The following ENAH variants were observed in gnomAD, a reference collection of about 807,000 sequenced individuals.
The protein encoded by ENAH is ENAH actin regulator, also known as protein enabled homolog.
ENAH carries 23 observed loss-of-function variants against 78.7 expected under a neutral mutation model. The ratio of observed to expected loss-of-function variants is 0.29; its 90% CI spans 0.21 to 0.41. The LOEUF is 0.41. ENAH is among the 10% of genes least tolerant of loss of function. The pLI, the probability that ENAH is intolerant of heterozygous loss-of-function variation, is 1.00. For missense variants in ENAH, 544 were observed against 691.0 expected (o/e 0.79, Z 2.39); for synonymous variants, 226 against 241.0 (o/e 0.94, Z 0.58).
chr1:225,537,626 A>G (rs879717504), intron 3 of ENAH, among the ~76,000 whole-genome samples: 2 of 152,108 alleles, frequency 1.3e-5, no homozygotes, highest in African/African-American at 2.4e-5. Flanking sequence ...CAGTAATACG[A>G]TGTTTTCAGC....
intron 1 of ENAH, among the ~76,000 whole-genome samples, chr1:225,591,102 C>G (rs916374398): frequency 4.6e-5 from 7 of 152,160 alleles, no homozygotes; most frequent in African/African-American, 1.7e-4. Flanking sequence ...AGAATTGTTG[C>G]TAAGCATATT....
At chr1:225,652,648 C>A (rs1182042094) in intron 1 of ENAH, 38 bp downstream of exon 1, 3 of 1,266,296 alleles carry the variant, frequency 2.4e-6, no homozygotes, top group Non-Finnish European at 3.0e-6. Flanking sequence ...TCCCGCGGCA[C>A]AATGGCCCGC....
Position 225,514,647 on chromosome 1 carries a change from T to G in ENAH, c.1167A>C (p.Leu389Phe), listed in dbSNP as rs978452870. The G allele has an allele frequency of 6.2e-7, 1 of 1,610,370 alleles. No homozygotes were observed. Among genetic ancestry groups the G allele is most frequent in the Non-Finnish European group, 8.5e-7 (1 of 1,179,420 alleles). ...LASMSEDNRP[L>F]TGLAAAIAGA... ...CGGCAATTGCAGCTGCAAGTCCAGT[T>G]AAAGGGCGATTGTCTTCTGACATGG... is the stretch of plus-strand genomic sequence containing the variant. Residue 389 changes from leucine (L) to phenylalanine (F), a missense_variant, in exon 7 of 14, where the codon TTA becomes TTC. Transcript: ENST00000366843.
intron 2 of ENAH, among the ~76,000 whole-genome samples, chr1:225,561,083 A>G (rs957066486): frequency 6.6e-6 from 1 of 151,528 alleles, no homozygotes; most frequent in African/African-American, 2.4e-5. Flanking sequence ...AAAATACAAA[A>G]ATTAGCTGGG....
At chr1:225,528,323 T>C (rs1480435281) in intron 4 of ENAH, among the ~76,000 whole-genome samples, 2 of 151,990 alleles carry the variant, frequency 1.3e-5, no homozygotes, top group East Asian at 1.9e-4. Flanking sequence ...GTAGAAAGGA[T>C]ATGAGAAGGA....
At chr1:225,615,347 C>T (rs1357015593) in intron 1 of ENAH, among the ~76,000 whole-genome samples, 1 of 152,198 alleles carries the variant, frequency 6.6e-6, no homozygotes, top group East Asian at 1.9e-4. Flanking sequence ...ACTCAGTGCT[C>T]AATGGTGCCC....
chr1:225,590,724 C>T (rs1420519056), intron 1 of ENAH, among the ~76,000 whole-genome samples: 1 of 152,128 alleles, frequency 6.6e-6, no homozygotes, highest in Non-Finnish European at 1.5e-5. Flanking sequence ...AATTCTACCA[C>T]CCAAACATCT....
intron 3 of ENAH, among the ~76,000 whole-genome samples, chr1:225,546,619 G>C (rs2096615090): frequency 6.6e-6 from 1 of 152,180 alleles, no homozygotes; most frequent in Non-Finnish European, 1.5e-5. Context: ...CCCTGGTTGA[G>C]AAAGGCTAAG....
At position 225,493,444 on chromosome 1, in the gene ENAH, T is replaced by A. The variant is rs1057010356; in HGVS notation, c.*4331A>T. ...TGGAGATTCCTTATAAATACCTGTA[T>A]GTCAAGTTTTGACTTTAAAAATATT... On this transcript the variant is annotated 3_prime_UTR_variant, in exon 14 of 14. Coordinates refer to ENST00000366843, the MANE Select transcript of ENAH (RefSeq NM_018212.6). 1 of 152,240 alleles carries A rather than the reference T, an allele frequency of 6.6e-6. No homozygotes were observed. The allele number at this position is 152,240 out of a possible 1,614,324, so 9.4% of individuals were successfully genotyped here.
intron 1 of ENAH, among the ~76,000 whole-genome samples, chr1:225,594,431 CT>C (rs2096892666): frequency 6.6e-6 from 1 of 152,168 alleles, no homozygotes; most frequent in African/African-American, 2.4e-5. Context: ...TTAATTGTTA[CT>C]GCTCAATTGT....
intron 1 of ENAH, among the ~76,000 whole-genome samples, chr1:225,624,192 CT>C (rs1409427262): frequency 9.2e-5 from 14 of 152,094 alleles, no homozygotes; most frequent in Admixed American, 9.2e-4. Flanking sequence ...AATTCCAGCA[CT>C]TTGGGAGGCC....
rs751166745 is a variant in ENAH, at chr1:225,512,852, T to C, written c.1364+19A>G. On this transcript the variant is annotated intron_variant, in intron 8 of 13. Coordinates refer to ENST00000366843, the MANE Select transcript of ENAH (RefSeq NM_018212.6). ...ATCCTCTCAATTCTGGGCATGTCCA[T>C]TATAATGAAATTCCTTACCTCCTGG... is the stretch of plus-strand genomic sequence containing the variant. The C allele has an allele frequency of 1.2e-6, 2 of 1,612,284 alleles. No homozygotes were observed. The highest frequency in any genetic ancestry group is 2.2e-5 in the South Asian group (2 of 90,678).
At chr1:225,634,912 T>C (rs1242458261) in intron 1 of ENAH, among the ~76,000 whole-genome samples, 1 of 152,238 alleles carries the variant, frequency 6.6e-6, no homozygotes, top group African/African-American at 2.4e-5. Context: ...TTGGGGTCCC[T>C]TGAAATTCCA....
chr1:225,558,892 C>G (rs1358586811), intron 2 of ENAH, among the ~76,000 whole-genome samples: 2 of 152,138 alleles, frequency 1.3e-5, no homozygotes, highest in Non-Finnish European at 2.9e-5. Context: ...CTCGGCCTCC[C>G]AAAGTGCTGG....
Position 225,519,281 on chromosome 1 carries a change from C to A in ENAH, c.719G>T (p.Arg240Leu). ...TTGTCGCTCCCTTTCTTGCCTCTCCCGTTCCAGTCTCTCCAGCCTCTCTCG... is the reference window on the plus strand; with the variant it reads ...TTGTCGCTCCCTTTCTTGCCTCTCCAGTTCCAGTCTCTCCAGCCTCTCTCG... ...QERERLERLE[R>L]ERQERERQEQ... The change falls in exon 5 of 14, where the codon CGG becomes CTG. Residue 240 changes from arginine (R) to leucine (L), a missense_variant. Coordinates refer to ENST00000366843, the MANE Select transcript of ENAH (RefSeq NM_018212.6). 6.2e-7 allele frequency: 1 copy of A among 1,614,088 alleles called. No individual in the cohort carries two copies. Among genetic ancestry groups the A allele is most frequent in the Non-Finnish European group, 8.5e-7 (1 of 1,179,996 alleles).
chr1:225,611,253 T>C (rs1406704140), intron 1 of ENAH, among the ~76,000 whole-genome samples: 1 of 152,130 alleles, frequency 6.6e-6, no homozygotes, highest in Non-Finnish European at 1.5e-5. Flanking sequence ...TGTATGAGCC[T>C]GGGAGTTCTA....
At chr1:225,638,434 T>C (rs1335845443) in intron 1 of ENAH, among the ~76,000 whole-genome samples, 2 of 152,188 alleles carry the variant, frequency 1.3e-5, no homozygotes, top group Non-Finnish European at 2.9e-5. Flanking sequence ...GCTGGGATTA[T>C]AGGCATGAGC....
intron 2 of ENAH, among the ~76,000 whole-genome samples, chr1:225,555,302 C>A (rs552791444): frequency 6.6e-6 from 1 of 152,102 alleles, no homozygotes; most frequent in African/African-American, 2.4e-5. Context: ...GTAAATCAGC[C>A]GGGCACGGTG....
At chr1:225,603,834 T>A (rs1259020846) in intron 1 of ENAH, among the ~76,000 whole-genome samples, 3 of 152,162 alleles carry the variant, frequency 2.0e-5, no homozygotes, top group Non-Finnish European at 4.4e-5. Context: ...TTTCACAAAT[T>A]TAAGTAGCTA....
Sources: gnomAD v4.1 joint callset for allele counts (sites outside exome capture counted in the v4.1 genomes callset) on GRCh38, gnomAD v4.1.1 for gene constraint, MANE v1.5 for transcripts, NCBI Gene and HGNC (gene_info 2026-07-23, HGNC 2026-07-21) for gene names.